Variants in PFKFB3 observed in about 807,000 individuals in gnomAD.
PFKFB3 encodes the protein 6-phosphofructo-2-kinase/fructose-2,6-bisphosphatase 3.
In PFKFB3, 33 loss-of-function variants were observed where a neutral mutation model predicts 68.0. The observed-to-expected ratio is 0.49, with a 90% CI of 0.37 to 0.65. The LOEUF (loss-of-function observed/expected upper bound fraction) is 0.65. Among genes scored for constraint, PFKFB3 ranks in the 30% least tolerant of loss-of-function variants. The pLI, the probability that PFKFB3 is intolerant of heterozygous loss-of-function variation, is 0.00. For synonymous variants in PFKFB3, 315 were observed against 288.2 expected, an observed-to-expected ratio of 1.09 and a Z score of -0.94; for missense variants, 586 against 712.2, an observed-to-expected ratio of 0.82 and a Z score of 2.02.
chr10:6,260,171 T>TGGGAGG, the PFKFB3 span, among the ~76,000 whole-genome samples: 7 of 152,096 alleles, frequency 4.6e-5, no homozygotes, highest in Non-Finnish European at 8.8e-5. Context: ...CCCAGCACTT[T>TGGGAGG]GGGAGGCTGA....
At position 6,215,903 on chromosome 10, in the gene PFKFB3, C is replaced by T. The variant is rs1246720462; in HGVS notation, c.300-222C>T. On this transcript the variant is annotated intron_variant, in intron 3 of 14. Transcript: ENST00000379775. The surrounding 1 kb of genome is among the most constrained non-coding windows in gnomAD (Gnocchi z 4.3). The stretch of plus-strand genomic sequence containing the variant: ...CCCCAGGAGTGGTTCCCGCGTGCAG[C>T]CCGGTTTGAGCACCGCCTCCCGAGG... 1.3e-5 allele frequency among the ~76,000 whole-genome samples: 2 copies of T among 152,160 alleles called. No individual in the cohort carries two copies. The highest frequency in any genetic ancestry group is 4.8e-5 in the African/African-American group (2 of 41,440).
chr10:6,196,060 G>A (rs751255819), intron 1 of PFKFB3, among the ~76,000 whole-genome samples: 10 of 151,960 alleles, frequency 6.6e-5, no homozygotes, highest in South Asian at 2.1e-4. Context: ...GGGAGAGGGC[G>A]GGAGAGATAT....
At chr10:6,193,515 C>G (rs1843087991) in intron 1 of PFKFB3, among the ~76,000 whole-genome samples, 1 of 152,224 alleles carries the variant, frequency 6.6e-6, no homozygotes, top group South Asian at 2.1e-4. Flanking sequence ...GAACAGCTGT[C>G]CCTGTTTCTA....
chr10:6,242,234 A>G (rs956313042), intron 14 of PFKFB3, among the ~76,000 whole-genome samples: 1 of 152,106 alleles, frequency 6.6e-6, no homozygotes, highest in Non-Finnish European at 1.5e-5. Context: ...CCATTTATTT[A>G]CTTATTCAGT....
the PFKFB3 span, among the ~76,000 whole-genome samples, chr10:6,314,368 T>A: frequency 1.3e-5 from 2 of 152,230 alleles, no homozygotes; most frequent in Non-Finnish European, 2.9e-5. Context: ...CACCCACAGA[T>A]AATTGCCATT....
At chr10:6,279,902 G>T in the PFKFB3 span, among the ~76,000 whole-genome samples, 3 of 151,814 alleles carry the variant, frequency 2.0e-5, no homozygotes, top group African/African-American at 7.3e-5. Flanking sequence ...CTGGCTGCAT[G>T]CTGTGTGTGT....
At position 6,210,424 on chromosome 10, in the gene PFKFB3, T is replaced by C. The variant is rs868049548; in HGVS notation, c.77-3199T>C. On this transcript the variant is annotated intron_variant, in intron 1 of 14. Transcript: ENST00000379775. ...CACCCAGGCTGGAGTGCAGTGGCGC[T>C]ATCTCGGCTCACTGCAAGCTCCGCC... is the stretch of plus-strand genomic sequence containing the variant. Among the ~76,000 whole-genome samples the C allele has an allele frequency of 3.1e-5, 3 of 98,194 alleles. 1 individual carries two copies. Among genetic ancestry groups the C allele is most frequent in the East Asian group, 2.7e-4 (1 of 3,732 alleles). 64.4% of individuals were successfully genotyped at this position (98,194 alleles called of 152,430 possible). A position where few individuals can be genotyped will look rare whatever the true frequency, so the allele number is the denominator to read the frequency against.
chr10:6,221,548 A>C, intron 9 of PFKFB3, 21 bp downstream of exon 9: 1 of 1,612,668 alleles, frequency 6.2e-7, no homozygotes, highest in South Asian at 1.1e-5. Flanking sequence ...GGAGGCGGGC[A>C]GGCAGCCTCA....
At chr10:6,294,001 T>C in the PFKFB3 span, 2 of 527,392 alleles carry the variant, frequency 3.8e-6, no homozygotes. Context: ...CCTTGCTTAA[T>C]TTCTGCTCTA....
intron 1 of PFKFB3, among the ~76,000 whole-genome samples, chr10:6,204,800 A>G (rs1403797141): frequency 6.6e-6 from 1 of 152,272 alleles, no homozygotes; most frequent in African/African-American, 2.4e-5. Flanking sequence ...ACTTTTGCAT[A>G]AAGCAAGTAT....
downstream of PFKFB3, among the ~76,000 whole-genome samples, chr10:6,235,763 T>C (rs796107123): frequency 3.1e-5 from 4 of 127,544 alleles, no homozygotes; most frequent in African/African-American, 1.1e-4. Flanking sequence ...AATTTTTTTC[T>C]TTTTTTTCTT....
intron 1 of PFKFB3, among the ~76,000 whole-genome samples, chr10:6,189,709 T>G (rs1021555439): frequency 6.6e-6 from 1 of 151,866 alleles, no homozygotes; most frequent in African/African-American, 2.4e-5. Flanking sequence ...GTGATGGGGT[T>G]TCACCATGTT....
chr10:6,239,188 G>A (rs1226695096), downstream of PFKFB3, among the ~76,000 whole-genome samples: 4 of 152,156 alleles, frequency 2.6e-5, no homozygotes, highest in Admixed American at 1.3e-4. Flanking sequence ...ACAGTTCCTG[G>A]CACAGAGAGA....
At chr10:6,281,182 T>TATATATATATATATATAC in the PFKFB3 span, among the ~76,000 whole-genome samples, 7 of 133,688 alleles carry the variant, frequency 5.2e-5, no homozygotes, top group African/African-American at 1.9e-4. Flanking sequence ...TATATATATA[T>TATATATATATATATATAC]ACACCACAGT....
At chr10:6,324,113 G>A in the PFKFB3 span, among the ~76,000 whole-genome samples, 1 of 152,202 alleles carries the variant, frequency 6.6e-6, no homozygotes, top group Non-Finnish European at 1.5e-5. Context: ...CCATACAATG[G>A]AATATTATTC....
chr10:6,305,820 A>G, the PFKFB3 span, among the ~76,000 whole-genome samples: 1 of 152,114 alleles, frequency 6.6e-6, no homozygotes, highest in Non-Finnish European at 1.5e-5. Context: ...ATCCCTGAAC[A>G]CTTTAAACGT....
At chr10:6,277,294 C>A in the PFKFB3 span, among the ~76,000 whole-genome samples, 4 of 151,520 alleles carry the variant, frequency 2.6e-5, no homozygotes, top group African/African-American at 9.7e-5. Context: ...AGTGCAGTGG[C>A]GCGATCTGGA....
At chr10:6,195,886 G>T (rs1843162507) in intron 1 of PFKFB3, among the ~76,000 whole-genome samples, 10 of 152,176 alleles carry the variant, frequency 6.6e-5, no homozygotes, top group Admixed American at 6.5e-4. Context: ...TTGGGGAGGT[G>T]AGGCCCGTCA....
chr10:6,182,802 G>T (rs7083321), intron 1 of PFKFB3, among the ~76,000 whole-genome samples: 38,319 of 152,160 alleles, frequency 0.25, 4,957 homozygotes, highest in Admixed American at 0.32. Context: ...AGTGAAGTTC[G>T]CCTTGCAGTC....
Sources: gnomAD v4.1 joint callset for allele counts (sites outside exome capture counted in the v4.1 genomes callset) on GRCh38, gnomAD v4.1.1 for gene constraint, Gnocchi (gnomAD v3.1) non-coding constraint, MANE v1.5 for transcripts, NCBI Gene and HGNC (gene_info 2026-07-23, HGNC 2026-07-21) for gene names.